Variants in ALB observed in about 807,000 individuals in gnomAD.
ALB encodes albumin.
Under a neutral mutation model 74.5 loss-of-function variants are expected in ALB, and 37 were observed. That is an observed-to-expected ratio of 0.50 (90% CI 0.38 to 0.65). ALB has a LOEUF of 0.65. Among genes scored for constraint, ALB ranks in the 30% least tolerant of loss-of-function variants. ALB has a pLI of 0.00. For synonymous variants in ALB, 249 were observed against 251.6 expected, an observed-to-expected ratio of 0.99 and a Z score of 0.10; for missense variants, 685 against 718.7, an observed-to-expected ratio of 0.95 and a Z score of 0.54.
intron 5 of ALB, among the ~76,000 whole-genome samples, chr4:73,410,020 G>T (rs1718832696): frequency 6.6e-6 from 1 of 152,074 alleles, no homozygotes; most frequent in Non-Finnish European, 1.5e-5. Flanking sequence ...CAGCCCCTGG[G>T]ATATTAGCGT....
In ALB at chr4:73,409,636, A is replaced by G. The variant is rs938756079; in HGVS notation, c.615+149A>G. ...CTTTTATCTGTCTTGAAAATCTTTC[A>G]TCTTTGAAGGCCTACACTCTCGTTT... On this transcript the variant is annotated intron_variant, in intron 5 of 14. Transcript: ENST00000295897. 5.2e-5 allele frequency: 49 copies of G among 938,228 alleles called. No individual in the cohort carries two copies. The African/African-American group carries it at 7.3e-4, about 14-fold the overall frequency. 58.1% of individuals were successfully genotyped at this position (938,228 alleles called of 1,614,324 possible).
rs748238360 is a variant in ALB, at chr4:73,413,509, C to T, written c.933C>T (p.Ser311=). Residue 311 remains serine (S), a synonymous_variant, in exon 8 of 15, where the codon TCC becomes TCT. Coordinates refer to ENST00000295897, the MANE Select transcript of ALB (RefSeq NM_000477.7). ...ECCEKPLLEK[S]HCIAEVENDE... The stretch of plus-strand genomic sequence containing the variant: ...GTGAAAAACCTCTGTTGGAAAAATC[C>T]CACTGCATTGCCGAAGTGGAAAATG... 2 of 1,614,082 alleles carry T rather than the reference C, an allele frequency of 1.2e-6. No homozygotes were observed. The highest frequency in any genetic ancestry group is 1.7e-6 in the Non-Finnish European group (2 of 1,180,010).
rs1174816447 is a variant in ALB at position 73,421,309 on chromosome 4, T to C, written c.*241T>C. On this transcript the variant is annotated 3_prime_UTR_variant, in exon 15 of 15. Coordinates refer to ENST00000295897, the MANE Select transcript of ALB (RefSeq NM_000477.7). ...AAAGATGTGTTGCTATCCTGAAAAT[T>C]CTGTAGGTTCTGTGGAAGTTCCAGT... The C allele has an allele frequency of 2.4e-6, 1 of 412,614 alleles. No individual in the cohort carries two copies. The highest frequency in any genetic ancestry group is 4.3e-6 in the Non-Finnish European group (1 of 232,820). 25.6% of individuals were successfully genotyped at this position (412,614 alleles called of 1,614,324 possible).
intron 2 of ALB, among the ~76,000 whole-genome samples, chr4:73,406,136 G>A (rs1718721385): frequency 6.6e-6 from 1 of 152,122 alleles, no homozygotes; most frequent in Non-Finnish European, 1.5e-5. Context: ...GCACATGCCT[G>A]TAGTCCTAGC....
rs565635386 is a variant in ALB, at chr4:73,421,406, C to T, written c.*338C>T. 11 of 261,428 alleles carry T rather than the reference C, an allele frequency of 4.2e-5. 1 individual carries two copies. In the East Asian group the frequency reaches 5.1e-4, roughly 12 times the overall value. The allele number at this position is 261,428 out of a possible 1,614,324, so 16.2% of individuals were successfully genotyped here. ...GCTAATTAAATAAATCATTAATACT[C>T]TTCTAAGTTATGGATTATAAACATT... On this transcript the variant is annotated 3_prime_UTR_variant, in exon 15 of 15. Coordinates refer to ENST00000295897, the MANE Select transcript of ALB (RefSeq NM_000477.7).
At chr4:73,406,499 T>C in intron 2 of ALB, 130 bp from the exon 3 acceptor site, 1 of 926,728 alleles carries the variant, frequency 1.1e-6, no homozygotes, top group Admixed American at 2.1e-5. Flanking sequence ...TGAATAGGCT[T>C]TCTGGATAAT....
chr4:73,408,508 C>G (rs1560855059), intron 3 of ALB, 86 bp from the exon 4 acceptor site: 1 of 1,181,638 alleles, frequency 8.5e-7, no homozygotes, highest in African/African-American at 1.5e-5. Context: ...CAAGCTTAAC[C>G]AGTATATTAA....
chr4:73,419,357 G>A lies in ALB; in HGVS notation c.1653-150G>A, dbSNP rs1176334362. 5.9e-5 allele frequency: 45 copies of A among 759,408 alleles called. No homozygotes were observed. The South Asian group carries it at 6.4e-4, about 11-fold the overall frequency. The allele number at this position is 759,408 out of a possible 1,614,324, so 47.0% of individuals were successfully genotyped here. A position where few individuals can be genotyped will look rare whatever the true frequency, so the allele number is the denominator to read the frequency against. ...AGATGAGAATATTGAGACTTATAGCGGTATGCCTGAGCCCCAAAGTACTCA... is the reference window on the plus strand; with the variant it reads ...AGATGAGAATATTGAGACTTATAGCAGTATGCCTGAGCCCCAAAGTACTCA... On this transcript the variant is annotated intron_variant, in intron 12 of 14. Coordinates refer to ENST00000295897, the MANE Select transcript of ALB (RefSeq NM_000477.7).
At chr4:73,404,499 T>C in intron 1 of ALB, 93 bp downstream of exon 1, 1 of 1,105,768 alleles carries the variant, frequency 9.0e-7, no homozygotes, top group Non-Finnish European at 1.4e-6. Flanking sequence ...AGAATTATTT[T>C]GGCATTTATT....
intron 9 of ALB, among the ~76,000 whole-genome samples, chr4:73,415,974 G>C (rs1719001570): frequency 6.6e-6 from 1 of 152,178 alleles, no homozygotes; most frequent in Non-Finnish European, 1.5e-5. Context: ...CTGAAATGTG[G>C]AGATGGTAAG....
At position 73,413,597 on chromosome 4, in the gene ALB, A is replaced by C; in HGVS notation, c.1021A>C (p.Lys341Gln). The C allele has an allele frequency of 6.2e-7, 1 of 1,614,176 alleles. No homozygotes were observed. Residue 341 changes from lysine (K) to glutamine (Q), a missense_variant, in exon 8 of 15, where the codon AAA (lysine) becomes CAA (glutamine). Physicochemically the swap from Lys to Gln is moderately conservative, Grantham distance 53. Coordinates refer to ENST00000295897, the MANE Select transcript of ALB (RefSeq NM_000477.7). ...TTTTGTTGAAAGTAAGGATGTTTGC[A>C]AAAACTATGCTGAGGCAAAGGATGT... ...ADFVESKDVC[K>Q]NYAEAKDVFL...
chr4:73,413,008 T>C (rs1478369946), intron 7 of ALB, among the ~76,000 whole-genome samples: 1 of 152,234 alleles, frequency 6.6e-6, no homozygotes, highest in African/African-American at 2.4e-5. Context: ...GGTTATTTTA[T>C]ATATGTAAGC....
chr4:73,413,514 G>T lies in ALB; in HGVS notation c.938G>T (p.Cys313Phe). Reference sequence around the variant, plus strand: ...AAACCTCTGTTGGAAAAATCCCACTGCATTGCCGAAGTGGAAAATGATGAG... The same window carrying T: ...AAACCTCTGTTGGAAAAATCCCACTTCATTGCCGAAGTGGAAAATGATGAG... ...CEKPLLEKSH[C>F]IAEVENDEMP... The change falls in exon 8 of 15, where the codon TGC becomes TTC. Residue 313 changes from cysteine to phenylalanine, a missense_variant. Physicochemically the swap from Cys to Phe is radical, Grantham distance 205. Transcript: ENST00000295897. 6.2e-7 allele frequency: 1 copy of T among 1,614,158 alleles called. No homozygotes were observed. Among genetic ancestry groups the T allele is most frequent in the Non-Finnish European group, 8.5e-7 (1 of 1,180,000 alleles).
In ALB at chr4:73,416,368, T is replaced by G; in HGVS notation, c.1289+15T>G. On this transcript the variant is annotated intron_variant, in intron 10 of 14. Transcript: ENST00000295897. ...TTCCAGAATGCGTAAGTAATTTTTA[T>G]TGACTGATTTTTTTTATCAATTTGT... is the stretch of plus-strand genomic sequence containing the variant. 1 of 1,578,666 alleles carries G rather than the reference T, an allele frequency of 6.3e-7. No homozygotes were observed. The highest frequency in any genetic ancestry group is 1.1e-5 in the South Asian group (1 of 89,498).
intron 4 of ALB, chr4:73,409,104 G>A (rs538518276): frequency 2.1e-5 from 12 of 574,626 alleles, no homozygotes; most frequent in South Asian, 9.2e-5. Context: ...AATTGATTTC[G>A]TTTTAGTCAG....
intron 4 of ALB, 23 bp from the exon 5 acceptor site, chr4:73,409,332 T>C: frequency 6.2e-7 from 1 of 1,610,258 alleles, no homozygotes; most frequent in South Asian, 1.1e-5. Context: ...GAAAAGTGAC[T>C]GTTTTTCTTT....
rs1577933543 is a variant in ALB at position 73,404,338 on chromosome 4, T to A, written c.11T>A (p.Val4Glu). The A allele has an allele frequency of 6.2e-7, 1 of 1,613,714 alleles. No individual in the cohort carries two copies. The highest frequency in any genetic ancestry group is 8.5e-7 in the Non-Finnish European group (1 of 1,179,690). The change falls in exon 1 of 15, where the codon GTA becomes GAA. Residue 4 changes from valine to glutamate, a missense_variant. Coordinates refer to ENST00000295897, the MANE Select transcript of ALB (RefSeq NM_000477.7). ...CACGCCTTTGGCACAATGAAGTGGG[T>A]AACCTTTATTTCCCTTCTTTTTCTC... MKW[V>E]TFISLLFLFS... is the part of the protein sequence containing the mutation.
rs55885351 is a variant in ALB, at chr4:73,416,943, A to T, written c.1290-588A>T. On this transcript the variant is annotated intron_variant, in intron 10 of 14. Coordinates refer to ENST00000295897, the MANE Select transcript of ALB (RefSeq NM_000477.7). The stretch of plus-strand genomic sequence containing the variant: ...AGAAGAGACATATTATACAGTAGAT[A>T]TTTATTGTGTGGCTCATACACATGG... Among the ~76,000 whole-genome samples, 355 of 152,242 alleles carry T rather than the reference A, an allele frequency of 2.3e-3. 1 individual carries two copies. The highest frequency in any genetic ancestry group is 8.4e-3 in the African/African-American group (350 of 41,544).
At chr4:73,410,432 G>A (rs754973519) in intron 6 of ALB, 23 bp downstream of exon 6, 1 of 1,508,450 alleles carries the variant, frequency 6.6e-7, no homozygotes, top group Non-Finnish European at 9.2e-7. Flanking sequence ...AAACATAGTT[G>A]GCATCTTTAT....
Sources: gnomAD v4.1 joint callset for allele counts (sites outside exome capture counted in the v4.1 genomes callset) on GRCh38, gnomAD v4.1.1 for gene constraint, MANE v1.5 for transcripts, NCBI Gene and HGNC (gene_info 2026-07-23, HGNC 2026-07-21) for gene names.